Variants in TCERG1L observed in about 807,000 individuals in gnomAD.
The protein encoded by TCERG1L is transcription elongation regulator 1-like protein.
In TCERG1L, 37 loss-of-function variants were observed where a neutral mutation model predicts 56.3. The observed-to-expected ratio is 0.66, with a 90% CI of 0.51 to 0.87. The LOEUF (loss-of-function observed/expected upper bound fraction) is 0.87. Ranked by LOEUF, TCERG1L falls within the 40% of genes least tolerant of loss-of-function variation. The pLI is 0.00. For synonymous variants in TCERG1L, 324 were observed against 326.3 expected (o/e 0.99, Z 0.08); for missense variants, 799 against 774.2 (o/e 1.03, Z -0.38).
chr10:131,229,401 G>A (rs1459063936), intron 4 of TCERG1L, among the ~76,000 whole-genome samples: 2 of 152,180 alleles, frequency 1.3e-5, no homozygotes, highest in Admixed American at 1.3e-4. Context: ...TCTTTCAGAA[G>A]AAACCCCAGC....
chr10:131,296,276 T>C (rs960711608), intron 3 of TCERG1L, among the ~76,000 whole-genome samples: 3 of 152,262 alleles, frequency 2.0e-5, no homozygotes, highest in Admixed American at 1.3e-4. Context: ...TATTTTGAGT[T>C]CATTTTTATA....
chr10:131,124,752 C>T (rs917425695), intron 8 of TCERG1L, among the ~76,000 whole-genome samples: 67 of 152,278 alleles, frequency 4.4e-4, no homozygotes, highest in African/African-American at 1.4e-3. Context: ...GGATCTGCAT[C>T]GCAGGGGTGA....
Position 131,191,864 on chromosome 10 carries a change from CAAAAA to C in TCERG1L, c.857-24984_857-24980del, listed in dbSNP as rs59816491. Among the ~76,000 whole-genome samples, 36 of 28,700 alleles carry C rather than the reference CAAAAA, an allele frequency of 1.3e-3. 1 individual carries two copies. The highest frequency in any genetic ancestry group is 1.3e-3 in the Non-Finnish European group (22 of 16,944). 18.8% of individuals were successfully genotyped at this position (28,700 alleles called of 152,430 possible). A position where few individuals can be genotyped will look rare whatever the true frequency, so the allele number is the denominator to read the frequency against. On this transcript the variant is annotated intron_variant, in intron 4 of 11. Coordinates refer to ENST00000368642, the MANE Select transcript of TCERG1L (RefSeq NM_174937.4). ...TGGGGGACAGAGCAAGACTCCGTCTCAAAAAAAAAAAAAAAAAAAAAAAAAGAAAA... is the reference window on the plus strand; with the variant it reads ...TGGGGGACAGAGCAAGACTCCGTCTCAAAAAAAAAAAAAAAAAAAAGAAAA...
chr10:131,288,152 T>C (rs1474080418), intron 3 of TCERG1L, among the ~76,000 whole-genome samples: 1 of 152,218 alleles, frequency 6.6e-6, no homozygotes, highest in Non-Finnish European at 1.5e-5. Context: ...TGCCAGTCTC[T>C]GAAGGCTTGT....
chr10:131,168,180 G>GCA (rs1173214332), intron 4 of TCERG1L, among the ~76,000 whole-genome samples: 2 of 152,136 alleles, frequency 1.3e-5, no homozygotes, highest in Non-Finnish European at 2.9e-5. Flanking sequence ...GTGCGTATAT[G>GCA]CACACACACA....
chr10:131,107,415 C>A (rs1196821417), intron 9 of TCERG1L, among the ~76,000 whole-genome samples: 1 of 152,194 alleles, frequency 6.6e-6, no homozygotes, highest in African/African-American at 2.4e-5. Flanking sequence ...TAAGCCATCT[C>A]TACAATGATT....
At chr10:131,202,906 C>T (rs766496540) in intron 4 of TCERG1L, among the ~76,000 whole-genome samples, 12 of 152,056 alleles carry the variant, frequency 7.9e-5, no homozygotes, top group Middle Eastern at 3.2e-3. Flanking sequence ...TTAAGTCTGC[C>T]GTCTGTGGAA....
At chr10:131,139,114 G>C (rs1036266334) in intron 7 of TCERG1L, among the ~76,000 whole-genome samples, 5 of 152,230 alleles carry the variant, frequency 3.3e-5, no homozygotes, top group African/African-American at 1.2e-4. Context: ...ATGCTCTACA[G>C]TGCTAAGGAG....
chr10:131,130,581 T>C (rs534129926), intron 8 of TCERG1L, among the ~76,000 whole-genome samples: 1 of 152,348 alleles, frequency 6.6e-6, no homozygotes, highest in East Asian at 1.9e-4. Context: ...CTCGTTCAAG[T>C]TGAGCATTTC....
intron 4 of TCERG1L, among the ~76,000 whole-genome samples, chr10:131,224,883 C>T (rs541547461): frequency 9.3e-4 from 141 of 152,260 alleles, no homozygotes; most frequent in African/African-American, 3.0e-3. Context: ...CGTACCTGGA[C>T]GTTAGGAACT....
intron 7 of TCERG1L, among the ~76,000 whole-genome samples, chr10:131,143,228 G>A (rs1033119981): frequency 3.3e-5 from 5 of 152,158 alleles, no homozygotes; most frequent in Non-Finnish European, 5.9e-5. Flanking sequence ...GGAAGTCCAC[G>A]GAACCAAGTG....
chr10:131,182,439 T>A (rs926810684), intron 4 of TCERG1L, among the ~76,000 whole-genome samples: 5 of 152,338 alleles, frequency 3.3e-5, no homozygotes, highest in African/African-American at 1.2e-4. Context: ...ATTTAAAACA[T>A]CCTCTTTGAT....
chr10:131,226,641 T>A (rs1845793532), intron 4 of TCERG1L, among the ~76,000 whole-genome samples: 2 of 152,138 alleles, frequency 1.3e-5, no homozygotes, highest in African/African-American at 4.8e-5. Context: ...GCAGCTGGCG[T>A]GAGGGAGGGA....
intron 3 of TCERG1L, among the ~76,000 whole-genome samples, chr10:131,302,133 T>A (rs534882942): frequency 6.6e-6 from 1 of 152,186 alleles, no homozygotes; most frequent in South Asian, 2.1e-4. Context: ...ATTGCTTCAA[T>A]CACAAGATGC....
chr10:131,206,184 G>A (rs2944483), intron 4 of TCERG1L, among the ~76,000 whole-genome samples: 2 of 152,054 alleles, frequency 1.3e-5, no homozygotes, highest in Non-Finnish European at 1.5e-5. Context: ...ACTGCCAATC[G>A]GGTGTACGCC....
At chr10:131,288,519 C>T (rs77678787) in intron 3 of TCERG1L, among the ~76,000 whole-genome samples, 3,060 of 152,236 alleles carry the variant, frequency 0.02, 74 homozygotes, top group East Asian at 0.075. Flanking sequence ...CCACCCAGGG[C>T]CTGCCCTCCA....
At chr10:131,150,548 T>C (rs1308043289) in intron 6 of TCERG1L, among the ~76,000 whole-genome samples, 3 of 152,190 alleles carry the variant, frequency 2.0e-5, no homozygotes, top group African/African-American at 7.2e-5. Flanking sequence ...CCAGCTTTCC[T>C]GAACACCCAG....
At chr10:131,264,915 T>C (rs1846270564) in intron 3 of TCERG1L, among the ~76,000 whole-genome samples, 1 of 152,028 alleles carries the variant, frequency 6.6e-6, no homozygotes, top group East Asian at 1.9e-4. Flanking sequence ...TCTGTGTAGA[T>C]CACTCTGGCT....
At chr10:131,205,020 C>T (rs1462832157) in intron 4 of TCERG1L, among the ~76,000 whole-genome samples, 1 of 152,128 alleles carries the variant, frequency 6.6e-6, no homozygotes, top group South Asian at 2.1e-4. Context: ...CCCTGCCACC[C>T]GGCTCTTTCT....
Sources: allele counts gnomAD v4.1 joint callset (sites outside exome capture counted in the v4.1 genomes callset), GRCh38; gene constraint gnomAD v4.1.1; transcripts MANE v1.5; gene names NCBI Gene and HGNC (gene_info 2026-07-23, HGNC 2026-07-21).